The following PPM1A variants were observed in gnomAD, a reference collection of about 807,000 sequenced individuals.
The protein encoded by PPM1A is protein phosphatase 1A.
A neutral mutation model predicts 35.0 loss-of-function variants in PPM1A; 7 were observed. The ratio of observed to expected loss-of-function variants is 0.20; its 90% CI spans 0.11 to 0.38. The LOEUF (loss-of-function observed/expected upper bound fraction) is 0.38, where lower values mean the gene tolerates loss of function less well. Among genes scored for constraint, PPM1A ranks in the 10% least tolerant of loss-of-function variants. PPM1A has a pLI of 1.00. For synonymous variants in PPM1A, 153 were observed against 167.3 expected, an observed-to-expected ratio of 0.91 and a Z score of 0.66; for missense variants, 239 against 467.8, an observed-to-expected ratio of 0.51 and a Z score of 4.51.
At chr14:60,267,444 T>G (rs1412771933) in intron 1 of PPM1A, among the ~76,000 whole-genome samples, 1 of 152,134 alleles carries the variant, frequency 6.6e-6, no homozygotes, top group Non-Finnish European at 1.5e-5. Context: ...TGATCCCTAT[T>G]TGGTGATTTG....
chr14:60,295,398 CAT>C lies in PPM1A; in HGVS notation c.*2919_*2920del, dbSNP rs1189546284. ...AATTCAGCTTTGGAAGTATCTCAAA[CAT>C]ATTTTTACTTTATAGTGCATTAACT... On this transcript the variant is annotated 3_prime_UTR_variant, in exon 6 of 6. Transcript: ENST00000395076. 3 of 151,650 alleles carry C rather than the reference CAT, an allele frequency of 2.0e-5. No individual in the cohort carries two copies. In the East Asian group the frequency reaches 5.8e-4, roughly 29 times the overall value. The allele number at this position is 151,650 out of a possible 1,614,324, so 9.4% of individuals were successfully genotyped here.
intron 1 of PPM1A, among the ~76,000 whole-genome samples, chr14:60,259,179 ACT>A (rs894771488): frequency 6.6e-6 from 1 of 151,980 alleles, no homozygotes; most frequent in African/African-American, 2.4e-5. Flanking sequence ...TCAGTGAGTG[ACT>A]CTATTTTGAA....
chr14:60,265,399 G>A (rs548183707), intron 1 of PPM1A, among the ~76,000 whole-genome samples: 18 of 152,174 alleles, frequency 1.2e-4, no homozygotes, highest in Admixed American at 5.2e-4. Context: ...TATCCCTACA[G>A]GATGTGGACT....
chr14:60,291,375 T>A, intron 4 of PPM1A, 22 bp from the exon 5 acceptor site: 1 of 1,510,370 alleles, frequency 6.6e-7, no homozygotes, highest in Non-Finnish European at 9.0e-7. Context: ...AGAATTAATT[T>A]TCTGCATTTT....
At position 60,289,664 on chromosome 14, in the gene PPM1A, T is replaced by A. The variant is rs1887420651; in HGVS notation, c.953-142T>A. The stretch of plus-strand genomic sequence containing the variant: ...AAATCTTCAAAGGTCAACCTGATTT[T>A]TTTTTTTTTTAAATGATACCAGATT... On this transcript the variant is annotated intron_variant, in intron 3 of 5. Coordinates refer to ENST00000395076, the MANE Select transcript of PPM1A (RefSeq NM_021003.5). This position sits in a 1 kb window ranked among gnomAD's most constrained non-coding sequence, Gnocchi z 4.1. 2 of 578,618 alleles carry A rather than the reference T, an allele frequency of 3.5e-6. No homozygotes were observed. The highest frequency in any genetic ancestry group is 6.5e-5 in the East Asian group (2 of 30,960). 35.8% of individuals were successfully genotyped at this position (578,618 alleles called of 1,614,324 possible). A position where few individuals can be genotyped will look rare whatever the true frequency, so the allele number is the denominator to read the frequency against.
At chr14:60,248,944 G>A (rs573982988), upstream of PPM1A, among the ~76,000 whole-genome samples, 12 of 152,182 alleles carry the variant, frequency 7.9e-5, no homozygotes, top group African/African-American at 2.7e-4. Context: ...GGATCCGGAC[G>A]CTCCCTTCGG....
rs966230883 is a variant in PPM1A at position 60,282,113 on chromosome 14, A to G, written c.-20-571A>G. On this transcript the variant is annotated intron_variant, in intron 1 of 5. Transcript: ENST00000395076. The surrounding 1 kb of genome is among the most constrained non-coding windows in gnomAD (Gnocchi z 5.1). ...TTTTCTATAAATAGGATGAGGCAAG[A>G]GTTTCCAGTTAAGGAAACTGACATG... is the stretch of plus-strand genomic sequence containing the variant. Among the ~76,000 whole-genome samples the G allele has an allele frequency of 6.6e-6, 1 of 152,216 alleles. No individual in the cohort carries two copies. The highest frequency in any genetic ancestry group is 2.4e-5 in the African/African-American group (1 of 41,444).
chr14:60,290,579 T>C (rs967555040), intron 4 of PPM1A, among the ~76,000 whole-genome samples: 6 of 152,298 alleles, frequency 3.9e-5, no homozygotes, highest in African/African-American at 7.2e-5. Context: ...AACATAAAAC[T>C]TGCAAATACC....
rs1882111914 is a variant in PPM1A, at chr14:60,249,773, G to T, written c.-21+96G>T. On this transcript the variant is annotated intron_variant, in intron 1 of 5. Transcript: ENST00000395076. This position sits in a 1 kb window ranked among gnomAD's most constrained non-coding sequence, Gnocchi z 4.5. ...GGCCTGGGGCCTGTAAACAAGCCGG[G>T]CGTCTGCCCGGGCGCTCCCGGGAGG... 5.0e-6 allele frequency: 4 copies of T among 807,740 alleles called. No homozygotes were observed. Among genetic ancestry groups the T allele is most frequent in the Non-Finnish European group, 6.0e-6 (4 of 667,712 alleles). The allele number at this position is 807,740 out of a possible 1,614,324, so 50.0% of individuals were successfully genotyped here.
intron 2 of PPM1A, among the ~76,000 whole-genome samples, chr14:60,284,926 G>T (rs4901976): frequency 0.39 from 59,102 of 151,284 alleles, 13,259 homozygotes; most frequent in African/African-American, 0.62. Context: ...ATTCTTTGAT[G>T]TTTTTTTAAA....
intron 1 of PPM1A, among the ~76,000 whole-genome samples, chr14:60,260,836 A>G (rs771174028): frequency 2.6e-5 from 4 of 152,216 alleles, no homozygotes; most frequent in Non-Finnish European, 4.4e-5. Context: ...TGAGATAGCT[A>G]TGAATAAGTT....
chr14:60,264,933 C>T (rs1566579247), intron 1 of PPM1A, among the ~76,000 whole-genome samples: 1 of 152,056 alleles, frequency 6.6e-6, no homozygotes, highest in Non-Finnish European at 1.5e-5. Flanking sequence ...TTCAGATTGT[C>T]ATTTTTTCTT....
At chr14:60,285,792 C>T (rs375563485) in intron 3 of PPM1A, 51 bp downstream of exon 3, 3 of 1,596,148 alleles carry the variant, frequency 1.9e-6, no homozygotes, top group African/African-American at 1.4e-5. Flanking sequence ...AAATCTTCAA[C>T]ACAATCAAAC....
At position 60,298,619 on chromosome 14, in the gene PPM1A, T is replaced by C. The variant is rs1225562559; in HGVS notation, c.*6137T>C. 1 of 151,818 alleles carries C rather than the reference T, an allele frequency of 6.6e-6. No individual in the cohort carries two copies. Among genetic ancestry groups the C allele is most frequent in the Non-Finnish European group, 1.5e-5 (1 of 67,754 alleles). The allele number at this position is 151,818 out of a possible 1,614,324, so 9.4% of individuals were successfully genotyped here. ...GCATATCTGCAGGAAAATATCTTGTTTGTAGTGATATGCCCCAATAGTGAT... is the reference window on the plus strand; with the variant it reads ...GCATATCTGCAGGAAAATATCTTGTCTGTAGTGATATGCCCCAATAGTGAT... On this transcript the variant is annotated 3_prime_UTR_variant, in exon 6 of 6. Coordinates refer to ENST00000395076, the MANE Select transcript of PPM1A (RefSeq NM_021003.5).
upstream of PPM1A, among the ~76,000 whole-genome samples, chr14:60,249,081 T>A (rs1881994345): frequency 1.3e-5 from 2 of 151,766 alleles, no homozygotes; most frequent in Admixed American, 6.6e-5. The surrounding 1 kb of genome is among the most constrained non-coding windows in gnomAD (Gnocchi z 4.5). Context: ...CTCACCGCAG[T>A]TCCTGCCCAA....
Position 60,295,892 on chromosome 14 carries a change from T to C in PPM1A, c.*3410T>C, listed in dbSNP as rs954377582. ...AACTGTTCTCCAGTTTATTTTCTTC[T>C]CTCTAAAGTTAAAGAGTAATTCAGA... On this transcript the variant is annotated 3_prime_UTR_variant, in exon 6 of 6. Transcript: ENST00000395076. 41 of 151,698 alleles carry C rather than the reference T, an allele frequency of 2.7e-4. No individual in the cohort carries two copies. Among genetic ancestry groups the C allele is most frequent in the Admixed American group, 2.4e-3 (36 of 15,194 alleles). 9.4% of individuals were successfully genotyped at this position (151,698 alleles called of 1,614,324 possible).
In PPM1A at chr14:60,296,414, T is replaced by A. The variant is rs1415527330; in HGVS notation, c.*3932T>A. 1 of 210,604 alleles carries A rather than the reference T, an allele frequency of 4.7e-6. No homozygotes were observed. The highest frequency in any genetic ancestry group is 2.3e-5 in the African/African-American group (1 of 44,140). The allele number at this position is 210,604 out of a possible 1,614,324, so 13.0% of individuals were successfully genotyped here. On this transcript the variant is annotated 3_prime_UTR_variant, in exon 6 of 6. Transcript: ENST00000395076. The surrounding 1 kb of genome is among the most constrained non-coding windows in gnomAD (Gnocchi z 4.4). ...TACAGTATTGTATTAGGATTTGGTA[T>A]TAGAAAAGATGTGTAAATATCTTAG...
At chr14:60,246,078 T>C (rs372303120), upstream of PPM1A, 56 of 1,529,180 alleles carry the variant, frequency 3.7e-5, no homozygotes, top group African/African-American at 6.7e-4. Flanking sequence ...GTTGAACCTA[T>C]GTTCTGGTTG....
At chr14:60,258,144 G>T (rs572756105) in intron 1 of PPM1A, among the ~76,000 whole-genome samples, 2 of 152,128 alleles carry the variant, frequency 1.3e-5, no homozygotes, top group African/African-American at 4.8e-5. Flanking sequence ...CAGCCATCTA[G>T]TGTGATCTTT....
Sources: gnomAD v4.1 joint callset for allele counts (sites outside exome capture counted in the v4.1 genomes callset) on GRCh38, gnomAD v4.1.1 for gene constraint, Gnocchi (gnomAD v3.1) non-coding constraint, MANE v1.5 for transcripts, NCBI Gene and HGNC (gene_info 2026-07-23, HGNC 2026-07-21) for gene names.